The following TTC29 variants were observed in gnomAD, a reference collection of about 807,000 sequenced individuals.
TTC29 encodes the protein tetratricopeptide repeat domain 29.
Under a neutral mutation model 58.1 loss-of-function variants are expected in TTC29, and 49 were observed. The observed-to-expected ratio is 0.84, with a 90% CI of 0.67 to 1.07. TTC29 has a LOEUF of 1.07. Among genes scored for constraint, TTC29 ranks in the 50% least tolerant of loss-of-function variants. TTC29 has a pLI of 0.00. For synonymous variants in TTC29, 209 were observed against 196.8 expected (o/e 1.06, Z -0.52); for missense variants, 582 against 555.6 (o/e 1.05, Z -0.48).
intron 8 of TTC29, among the ~76,000 whole-genome samples, chr4:146,861,395 A>G (rs763065624): frequency 2.6e-5 from 4 of 152,218 alleles, no homozygotes; most frequent in Admixed American, 6.5e-5. Context: ...TCCCCAGCAC[A>G]TGGCATATGC....
intron 6 of TTC29, among the ~76,000 whole-genome samples, chr4:146,878,630 CA>C (rs766184832): frequency 6.6e-6 from 1 of 152,092 alleles, no homozygotes; most frequent in African/African-American, 2.4e-5. Context: ...GATCGAGAGC[CA>C]GGAAACTTAG....
chr4:146,822,267 T>G (rs964222967), intron 9 of TTC29, among the ~76,000 whole-genome samples: 1 of 152,104 alleles, frequency 6.6e-6, no homozygotes, highest in Admixed American at 6.6e-5. Context: ...CTGGTGTGTG[T>G]TGTTCTCCTT....
At chr4:146,921,980 T>A (rs1156783114) in intron 4 of TTC29, among the ~76,000 whole-genome samples, 2 of 117,002 alleles carry the variant, frequency 1.7e-5, no homozygotes, top group South Asian at 2.5e-4. Flanking sequence ...TAAGCATGAG[T>A]AAAGATTTAC....
chr4:146,927,600 A>G (rs1035882588), intron 4 of TTC29, among the ~76,000 whole-genome samples: 3 of 152,156 alleles, frequency 2.0e-5, no homozygotes, highest in African/African-American at 4.8e-5. Flanking sequence ...TAGTATATAC[A>G]TGCATAGTAT....
At chr4:146,913,329 G>A (rs1249836344) in intron 4 of TTC29, among the ~76,000 whole-genome samples, 2 of 152,156 alleles carry the variant, frequency 1.3e-5, no homozygotes, top group Non-Finnish European at 2.9e-5. Context: ...AACAGGGTCA[G>A]AAATCCAGAA....
At chr4:146,915,804 T>A (rs955916577) in intron 4 of TTC29, among the ~76,000 whole-genome samples, 1 of 151,814 alleles carries the variant, frequency 6.6e-6, no homozygotes, top group Non-Finnish European at 1.5e-5. Context: ...AATTATGGAA[T>A]CAAGATGAAG....
chr4:146,811,126 T>G (rs1053999614), intron 10 of TTC29, among the ~76,000 whole-genome samples: 6 of 152,138 alleles, frequency 3.9e-5, no homozygotes, highest in East Asian at 1.9e-4. Flanking sequence ...CTGCAAAAAT[T>G]CAGGGTTTTG....
chr4:146,802,758 A>G (rs1750322809), intron 11 of TTC29, among the ~76,000 whole-genome samples: 1 of 152,210 alleles, frequency 6.6e-6, no homozygotes, highest in Non-Finnish European at 1.5e-5. Flanking sequence ...TTTGCACACA[A>G]ATAAAAGAAC....
chr4:146,718,853 A>G (rs1743143759), intron 11 of TTC29, among the ~76,000 whole-genome samples: 1 of 152,146 alleles, frequency 6.6e-6, no homozygotes, highest in Non-Finnish European at 1.5e-5. Context: ...CTTATGTTTA[A>G]GTCTTCAATT....
At chr4:146,753,161 G>C (rs1746152447) in intron 11 of TTC29, among the ~76,000 whole-genome samples, 1 of 152,118 alleles carries the variant, frequency 6.6e-6, no homozygotes, top group Non-Finnish European at 1.5e-5. Context: ...ATCTGTCAAA[G>C]GGCTAATATC....
At chr4:146,845,547 G>A (rs183539465) in intron 8 of TTC29, among the ~76,000 whole-genome samples, 1 of 152,230 alleles carries the variant, frequency 6.6e-6, no homozygotes, top group South Asian at 2.1e-4. Context: ...ACTAAAGATG[G>A]TGGTGGCAAA....
chr4:146,724,998 T>C (rs1437018590), intron 11 of TTC29, among the ~76,000 whole-genome samples: 1 of 152,138 alleles, frequency 6.6e-6, no homozygotes, highest in Non-Finnish European at 1.5e-5. Context: ...AACTGGAGTA[T>C]ATATGGGCAT....
At position 146,726,867 on chromosome 4, in the gene TTC29, G is replaced by A. The variant is rs754616956; in HGVS notation, c.1331-19316C>T. Among the ~76,000 whole-genome samples the A allele has an allele frequency of 5.4e-4, 82 of 151,964 alleles. 1 individual carries two copies. In the Middle Eastern group the frequency reaches 0.01, roughly 19 times the overall value. ...AAGAATTCTGTAATTATTCTCTGTGGATCACATTCCTTACTTTAAAAATTA... is the reference window on the plus strand; with the variant it reads ...AAGAATTCTGTAATTATTCTCTGTGAATCACATTCCTTACTTTAAAAATTA... On this transcript the variant is annotated intron_variant, in intron 11 of 12. Transcript: ENST00000325106.
At chr4:146,726,039 AT>A (rs1579531370) in intron 11 of TTC29, among the ~76,000 whole-genome samples, 1 of 151,970 alleles carries the variant, frequency 6.6e-6, no homozygotes, top group African/African-American at 2.4e-5. Flanking sequence ...AACTCAGCTA[AT>A]TTTTTATTTT....
intron 9 of TTC29, among the ~76,000 whole-genome samples, chr4:146,822,270 T>A (rs1293163374): frequency 6.6e-6 from 1 of 152,102 alleles, no homozygotes; most frequent in Non-Finnish European, 1.5e-5. Context: ...GTGTGTGTTG[T>A]TCTCCTTTCT....
intron 8 of TTC29, among the ~76,000 whole-genome samples, chr4:146,864,036 C>T (rs1730413403): frequency 6.6e-6 from 1 of 152,138 alleles, no homozygotes; most frequent in East Asian, 1.9e-4. Context: ...ATCCCATGAC[C>T]CAGCCTAGTT....
chr4:146,865,617 C>A (rs1235784936), intron 8 of TTC29, among the ~76,000 whole-genome samples: 1 of 152,096 alleles, frequency 6.6e-6, no homozygotes, highest in African/African-American at 2.4e-5. Context: ...ACAAAACATA[C>A]TCAGATAACA....
chr4:146,909,137 C>T lies in TTC29; in HGVS notation c.289G>A (p.Ala97Thr). The T allele has an allele frequency of 6.2e-7, 1 of 1,613,790 alleles. No individual in the cohort carries two copies. The highest frequency in any genetic ancestry group is 8.5e-7 in the Non-Finnish European group (1 of 1,179,836). ...LMERWDALRE[A>T]ARVRSLFWLQ... ...CAGAAGAGGGACCTGACTCTCGCAGCCTCCCTCAGGGCATCCCACCGCTCC... is the reference window on the plus strand; with the variant it reads ...CAGAAGAGGGACCTGACTCTCGCAGTCTCCCTCAGGGCATCCCACCGCTCC... The change falls in exon 5 of 13, where the codon GCT becomes ACT. Residue 97 changes from alanine to threonine, a missense_variant. Transcript: ENST00000325106.
rs575005826 is a variant in TTC29, at chr4:146,731,112, C to T, written c.1331-23561G>A. On this transcript the variant is annotated intron_variant, in intron 11 of 12. Transcript: ENST00000325106. ...ACACTGGTAGAGAAACTGGCCTATG[C>T]TGGGAGCATGACAGTTAATCCTTAG... Among the ~76,000 whole-genome samples the T allele has an allele frequency of 3.3e-5, 5 of 152,110 alleles. No individual in the cohort carries two copies. In the South Asian group the frequency reaches 1.0e-3, roughly 32 times the overall value.
Sources: gnomAD v4.1 joint callset for allele counts (sites outside exome capture counted in the v4.1 genomes callset) on GRCh38, gnomAD v4.1.1 for gene constraint, MANE v1.5 for transcripts, NCBI Gene and HGNC (gene_info 2026-07-23, HGNC 2026-07-21) for gene names.